INTS15: variants seen among roughly 807,000 people sequenced by gnomAD.
The protein encoded by INTS15 is uncharacterized protein C7orf26.
At chr7:6,604,219 G>C in the INTS15 span, among the ~76,000 whole-genome samples, 1 of 152,150 alleles carries the variant, frequency 6.6e-6, no homozygotes, top group Non-Finnish European at 1.5e-5. Flanking sequence ...TGGGACTACA[G>C]GTGTGCGCCA....
the INTS15 span, chr7:6,602,381 T>C: frequency 3.9e-6 from 2 of 506,406 alleles, no homozygotes; most frequent in South Asian, 4.5e-5. Flanking sequence ...AGCTCCCTAG[T>C]GAAGGTGCAC....
At chr7:6,594,385 TACTC>T in the INTS15 span, 10 of 1,599,560 alleles carry the variant, frequency 6.3e-6, no homozygotes, top group South Asian at 1.1e-5. Flanking sequence ...GTTGCTGGTC[TACTC>T]ACTCACGACA....
At chr7:6,590,211 C>G in the INTS15 span, 10 of 1,304,400 alleles carry the variant, frequency 7.7e-6, no homozygotes, top group South Asian at 3.4e-5. Flanking sequence ...TTTGTTTCCA[C>G]GGGTAGCGGC....
the INTS15 span, chr7:6,600,160 C>T: frequency 1.1e-4 from 171 of 1,614,266 alleles, 1 homozygote; most frequent in East Asian, 3.0e-3. Context: ...TGCAGCTGCA[C>T]CTGACCGAGA....
chr7:6,599,610 C>G, the INTS15 span, among the ~76,000 whole-genome samples: 1 of 152,182 alleles, frequency 6.6e-6, no homozygotes, highest in Admixed American at 6.6e-5. Context: ...GCTCCAGGGT[C>G]CTGGGCACTG....
At chr7:6,594,928 G>A in the INTS15 span, among the ~76,000 whole-genome samples, 2 of 151,936 alleles carry the variant, frequency 1.3e-5, no homozygotes, top group Non-Finnish European at 2.9e-5. Context: ...GGGTTTTAAT[G>A]TGTTGGCCAG....
the INTS15 span, among the ~76,000 whole-genome samples, chr7:6,598,721 C>G: frequency 1.4e-4 from 17 of 125,056 alleles, 1 homozygote; most frequent in Admixed American, 4.4e-4. Flanking sequence ...GAGGTCAGAT[C>G]TGGGCTGTAT....
At chr7:6,590,196 G>C in the INTS15 span, 1 of 1,229,684 alleles carries the variant, frequency 8.1e-7, no homozygotes, top group Non-Finnish European at 1.1e-6. Flanking sequence ...CCCGGGTCGC[G>C]CCTCTTTGTT....
the INTS15 span, chr7:6,599,718 A>AC: frequency 9.6e-7 from 1 of 1,036,280 alleles, no homozygotes; most frequent in Non-Finnish European, 1.4e-6. Flanking sequence ...CGTGATCCAG[A>AC]CCATCAGGTG....
At chr7:6,605,886 A>C in the INTS15 span, among the ~76,000 whole-genome samples, 1 of 151,902 alleles carries the variant, frequency 6.6e-6, no homozygotes, top group Non-Finnish European at 1.5e-5. Flanking sequence ...TTTAATAGAG[A>C]CGGGTTTTCG....
At chr7:6,590,257 C>G in the INTS15 span, 1 of 1,481,572 alleles carries the variant, frequency 6.7e-7, no homozygotes, top group East Asian at 2.8e-5. Context: ...GAGACGCGCT[C>G]GGCGCGGGGG....
chr7:6,608,414 C>T, the INTS15 span: 1 of 1,372,688 alleles, frequency 7.3e-7, no homozygotes, highest in African/African-American at 1.5e-5. Flanking sequence ...GATGCCGATC[C>T]TGGGAGCCTC....
At chr7:6,590,365 T>A in the INTS15 span, 4 of 1,607,180 alleles carry the variant, frequency 2.5e-6, no homozygotes, top group Non-Finnish European at 2.5e-6. Flanking sequence ...GGACATCTAC[T>A]TCAGCAGCCA....
At chr7:6,591,553 C>T in the INTS15 span, 250 of 1,173,974 alleles carry the variant, frequency 2.1e-4, no homozygotes, top group African/African-American at 2.7e-3. Flanking sequence ...CATGAGCCAC[C>T]GCGCCCAGTC....
the INTS15 span, among the ~76,000 whole-genome samples, chr7:6,607,337 T>G: frequency 6.7e-6 from 1 of 148,992 alleles, no homozygotes; most frequent in Non-Finnish European, 1.5e-5. This position sits in a 1 kb window ranked among gnomAD's most constrained non-coding sequence, Gnocchi z 6.0. Context: ...CGGTGGCGGA[T>G]GGGGAGACCG....
the INTS15 span, among the ~76,000 whole-genome samples, chr7:6,593,393 C>T: frequency 2.1e-5 from 3 of 144,828 alleles, no homozygotes; most frequent in Non-Finnish European, 4.5e-5. Context: ...TGCAGTGGCG[C>T]GATCTCGGCT....
the INTS15 span, chr7:6,590,564 G>C: frequency 7.1e-7 from 1 of 1,403,800 alleles, no homozygotes; most frequent in Non-Finnish European, 9.2e-7. Flanking sequence ...CAAGCCGCGG[G>C]CGCCCCATGT....
chr7:6,594,291 C>T, the INTS15 span: 1 of 785,534 alleles, frequency 1.3e-6, no homozygotes, highest in Non-Finnish European at 2.1e-6. Flanking sequence ...CAGATATGAG[C>T]CACCACACTC....
the INTS15 span, chr7:6,594,398 C>T: frequency 6.2e-7 from 1 of 1,610,874 alleles, no homozygotes; most frequent in Non-Finnish European, 8.5e-7. Context: ...TCACTCACGA[C>T]ATCTGTAGTT....
Sources: gnomAD v4.1 joint callset for allele counts (sites outside exome capture counted in the v4.1 genomes callset) on GRCh38, gnomAD v4.1.1 for gene constraint, Gnocchi (gnomAD v3.1) non-coding constraint, MANE v1.5 for transcripts, NCBI Gene and HGNC (gene_info 2026-07-23, HGNC 2026-07-21) for gene names.